The following SLC4A10 variants were observed in gnomAD, a reference collection of about 807,000 sequenced individuals.
SLC4A10 encodes sodium-driven chloride bicarbonate exchanger.
In SLC4A10, 42 loss-of-function variants were observed where a neutral mutation model predicts 137.7. The observed-to-expected ratio is 0.30, with a 90% confidence interval of 0.24 to 0.39. The LOEUF (loss-of-function observed/expected upper bound fraction) is 0.39. Ranked by LOEUF, SLC4A10 falls within the 10% of genes least tolerant of loss-of-function variation. The probability of loss-of-function intolerance (pLI) is 1.00; values close to 1 mark genes in which losing one functional copy is unlikely to be tolerated. For synonymous variants in SLC4A10, 474 were observed against 464.1 expected (o/e 1.02, Z -0.27); for missense variants, 925 against 1,355.0 (o/e 0.68, Z 4.98).
chr2:161,984,840 C>T lies in SLC4A10; in HGVS notation c.*1688C>T, dbSNP rs1012748825. On this transcript the variant is annotated 3_prime_UTR_variant, in exon 27 of 27. Coordinates refer to ENST00000446997, the MANE Select transcript of SLC4A10 (RefSeq NM_001178015.2). ...ACAGATACTACATTGTAAACATTTC[C>T]ATTGTTTTATGATTTAGCCAGTGAT... The T allele has an allele frequency of 2.0e-5, 3 of 151,912 alleles. No homozygotes were observed. The highest frequency in any genetic ancestry group is 4.4e-5 in the Non-Finnish European group (3 of 67,902). 9.4% of individuals were successfully genotyped at this position (151,912 alleles called of 1,614,324 possible). A position where few individuals can be genotyped will look rare whatever the true frequency, so the allele number is the denominator to read the frequency against.
At chr2:161,853,819 AT>A (rs768067756) in intron 4 of SLC4A10, among the ~76,000 whole-genome samples, 8 of 150,930 alleles carry the variant, frequency 5.3e-5, no homozygotes, top group East Asian at 3.9e-4. Context: ...ACTTTCTGAC[AT>A]TTTTTTTTCT....
At chr2:161,961,547 C>CT (rs34418446) in intron 21 of SLC4A10, among the ~76,000 whole-genome samples, 46,315 of 137,282 alleles carry the variant, frequency 0.34, 7,774 homozygotes, top group East Asian at 0.68. Flanking sequence ...TTCTTTTTCC[C>CT]TTTTTTTTTT....
intron 1 of SLC4A10, among the ~76,000 whole-genome samples, chr2:161,712,305 G>C (rs556882574): frequency 6.6e-6 from 1 of 151,806 alleles, no homozygotes; most frequent in African/African-American, 2.4e-5. Context: ...CTTTATTCAT[G>C]ACTGAAAGAT....
rs2051736904 is a variant in SLC4A10 at position 161,772,389 on chromosome 2, C to T, written c.130+1335C>T. 2.0e-5 allele frequency among the ~76,000 whole-genome samples: 3 copies of T among 151,824 alleles called. No individual in the cohort carries two copies. In the South Asian group the frequency reaches 6.2e-4, roughly 32 times the overall value. ...AGCAAGATGGTAGCCTAGAAATATA[C>T]TCAATTCCAAGAAAAAATCATCTTG... is the stretch of plus-strand genomic sequence containing the variant. On this transcript the variant is annotated intron_variant, in intron 2 of 26. Transcript: ENST00000446997.
At chr2:161,714,450 A>C (rs2044629722) in intron 1 of SLC4A10, among the ~76,000 whole-genome samples, 1 of 151,974 alleles carries the variant, frequency 6.6e-6, no homozygotes, top group African/African-American at 2.4e-5. Flanking sequence ...AAATGGCAAT[A>C]TGGGAAGATT....
intron 8 of SLC4A10, among the ~76,000 whole-genome samples, chr2:161,878,124 T>C (rs1283142280): frequency 6.6e-6 from 1 of 152,084 alleles, no homozygotes; most frequent in African/African-American, 2.4e-5. Flanking sequence ...CTAAAAAAAA[T>C]CTTCTCAGCC....
rs191797246 is a variant in SLC4A10, at chr2:161,924,026, A to G, written c.1997+18139A>G. On this transcript the variant is annotated intron_variant, in intron 15 of 26. Transcript: ENST00000446997. ...ATACACTATGCTATGCATCAAAAGA[A>G]ACGTTTTGCATTAATACTCCATCTT... 1.2e-4 allele frequency among the ~76,000 whole-genome samples: 19 copies of G among 152,200 alleles called. No individual in the cohort carries two copies. In the East Asian group the frequency reaches 2.7e-3, roughly 22 times the overall value.
intron 16 of SLC4A10, among the ~76,000 whole-genome samples, chr2:161,943,123 A>G (rs1285533095): frequency 6.6e-6 from 1 of 152,124 alleles, no homozygotes; most frequent in Non-Finnish European, 1.5e-5. Flanking sequence ...GCTCACTTAT[A>G]CAGAAATATG....
chr2:161,905,903 C>T lies in SLC4A10; in HGVS notation c.1997+16C>T. 6.3e-7 allele frequency: 1 copy of T among 1,576,278 alleles called. No individual in the cohort carries two copies. The highest frequency in any genetic ancestry group is 1.2e-5 in the South Asian group (1 of 84,568). Reference sequence around the variant, plus strand: ...CACAATACTCGTAAGTACCATTTCCCCTGCTGGCCTTGGGGCTTTTCTTTT... The same window carrying T: ...CACAATACTCGTAAGTACCATTTCCTCTGCTGGCCTTGGGGCTTTTCTTTT... On this transcript the variant is annotated intron_variant, in intron 15 of 26. Coordinates refer to ENST00000446997, the MANE Select transcript of SLC4A10 (RefSeq NM_001178015.2).
intron 2 of SLC4A10, among the ~76,000 whole-genome samples, chr2:161,793,810 A>G (rs527289727): frequency 1.6e-4 from 25 of 152,284 alleles, no homozygotes; most frequent in Admixed American, 7.2e-4. Context: ...CATTTGTAAT[A>G]TGAAAATATG....
At chr2:161,895,127 T>C (rs1442159892) in intron 11 of SLC4A10, among the ~76,000 whole-genome samples, 1 of 143,018 alleles carries the variant, frequency 7.0e-6, no homozygotes, top group Admixed American at 7.1e-5. Flanking sequence ...TGTGTTCTCA[T>C]TGTTCAATTC....
chr2:161,823,785 G>A (rs2057816562), intron 3 of SLC4A10, among the ~76,000 whole-genome samples: 1 of 152,188 alleles, frequency 6.6e-6, no homozygotes, highest in Non-Finnish European at 1.5e-5. Flanking sequence ...GGTTTTTAAA[G>A]CAGACGAAAG....
chr2:161,735,961 TGTCTGAATTATATTTAACTGAC>T (rs1354763191), intron 1 of SLC4A10, among the ~76,000 whole-genome samples: 1 of 152,182 alleles, frequency 6.6e-6, no homozygotes, highest in East Asian at 1.9e-4. Context: ...GCAGACAAAA[TGTCTGAATTATATTTAACTGAC>T]AATTTTGAAG....
At chr2:161,760,691 C>T (rs2125356731) in intron 1 of SLC4A10, among the ~76,000 whole-genome samples, 1 of 152,136 alleles carries the variant, frequency 6.6e-6, no homozygotes, top group East Asian at 1.9e-4. Flanking sequence ...CCTTTACTGA[C>T]ATTATCTGAA....
intron 1 of SLC4A10, among the ~76,000 whole-genome samples, chr2:161,662,326 C>G (rs1222116906): frequency 6.6e-6 from 1 of 151,970 alleles, no homozygotes; most frequent in Non-Finnish European, 1.5e-5. Flanking sequence ...TTACAGTTTC[C>G]TTAAAATTGT....
At position 161,815,630 on chromosome 2, in the gene SLC4A10, ACCTGAGAAG is replaced by A. The variant is rs1348972441; in HGVS notation, c.277+11037_277+11045del. Among the ~76,000 whole-genome samples, 4 of 152,226 alleles carry A rather than the reference ACCTGAGAAG, an allele frequency of 2.6e-5. No homozygotes were observed. In the East Asian group the frequency reaches 5.8e-4, roughly 22 times the overall value. On this transcript the variant is annotated intron_variant, in intron 3 of 26. Coordinates refer to ENST00000446997, the MANE Select transcript of SLC4A10 (RefSeq NM_001178015.2). ...TCAAACCTTCTGGCACATTGGAATC[ACCTGAGAAG>A]CTTTAAAAAAATTATTGATGCTAGG...
At chr2:161,635,115 T>C (rs763456799) in intron 1 of SLC4A10, among the ~76,000 whole-genome samples, 3 of 152,100 alleles carry the variant, frequency 2.0e-5, no homozygotes, top group African/African-American at 4.8e-5. Context: ...ACCATGTCAA[T>C]GCAGTCTCTC....
In SLC4A10 at chr2:161,898,091, T is replaced by A. The variant is rs553948538; in HGVS notation, c.1342-2820T>A. 3.9e-5 allele frequency among the ~76,000 whole-genome samples: 6 copies of A among 152,216 alleles called. No individual in the cohort carries two copies. The South Asian group carries it at 1.2e-3, about 32-fold the overall frequency. On this transcript the variant is annotated intron_variant, in intron 11 of 26. Transcript: ENST00000446997. ...GAACATCAAATTAAGAATCAAAGCA[T>A]CCGAGTTCTGCAATTATCTATATGT... is the stretch of plus-strand genomic sequence containing the variant.
chr2:161,856,711 T>C (rs1384855554), intron 5 of SLC4A10, among the ~76,000 whole-genome samples: 5 of 152,148 alleles, frequency 3.3e-5, no homozygotes, highest in Middle Eastern at 3.2e-3. Context: ...TAATTAGGAA[T>C]GAAACAGCAG....
Sources: allele counts gnomAD v4.1 joint callset (sites outside exome capture counted in the v4.1 genomes callset), GRCh38; gene constraint gnomAD v4.1.1; transcripts MANE v1.5; gene names NCBI Gene and HGNC (gene_info 2026-07-23, HGNC 2026-07-21).